Variants in LUZP2 observed in about 807,000 individuals in gnomAD.
The protein encoded by LUZP2 is leucine zipper protein 2.
Under a neutral mutation model 51.6 loss-of-function variants are expected in LUZP2, and 52 were observed. The ratio of observed to expected loss-of-function variants is 1.01; its 90% CI spans 0.81 to 1.27. The LOEUF (loss-of-function observed/expected upper bound fraction) is 1.27, where lower values mean the gene tolerates loss of function less well. LUZP2 is among the 50% of genes most tolerant of loss of function. The pLI is 0.00. For synonymous variants in LUZP2, 154 were observed against 137.3 expected (o/e 1.12, Z -0.85); for missense variants, 436 against 395.4 (o/e 1.10, Z -0.87).
At chr11:24,817,781 A>C (rs1850229030) in intron 5 of LUZP2, among the ~76,000 whole-genome samples, 1 of 151,980 alleles carries the variant, frequency 6.6e-6, no homozygotes, top group African/African-American at 2.4e-5. Context: ...AGTAAAAATA[A>C]TTGTTCAGGA....
At position 24,729,141 on chromosome 11, in the gene LUZP2, G is replaced by C. The variant is rs776144632; in HGVS notation, c.63-28G>C. 3.2e-6 allele frequency: 4 copies of C among 1,238,266 alleles called. No individual in the cohort carries two copies. In the Admixed American group the frequency reaches 9.5e-5, roughly 29 times the overall value. The allele number at this position is 1,238,266 out of a possible 1,614,324, so 76.7% of individuals were successfully genotyped here. On this transcript the variant is annotated intron_variant, in intron 1 of 11. Transcript: ENST00000336930. ...GATGCCAAGTGGAACCATTTGGGGG[G>C]CTCTCATGCCTGTTCTTTCTGTGTT...
At chr11:25,026,257 G>C (rs2896721) in intron 9 of LUZP2, among the ~76,000 whole-genome samples, 86,572 of 151,512 alleles carry the variant, frequency 0.57, 26,027 homozygotes, top group African/African-American at 0.75. Flanking sequence ...AAACCTGCAT[G>C]TTGTGCACAT....
chr11:24,894,028 C>A, intron 5 of LUZP2, among the ~76,000 whole-genome samples: 1 of 152,174 alleles, frequency 6.6e-6, no homozygotes, highest in South Asian at 2.1e-4. Flanking sequence ...AAGGTGAGTT[C>A]TTTGAAAGCA....
intron 7 of LUZP2, among the ~76,000 whole-genome samples, chr11:24,917,317 G>C (rs1853822694): frequency 1.3e-5 from 2 of 152,106 alleles, no homozygotes; most frequent in African/African-American, 4.8e-5. Context: ...TATTTTTGCT[G>C]TGCAGAAGCT....
At chr11:25,019,643 AATAGC>A (rs1170063756) in intron 9 of LUZP2, among the ~76,000 whole-genome samples, 1 of 152,120 alleles carries the variant, frequency 6.6e-6, no homozygotes, top group Non-Finnish European at 1.5e-5. Flanking sequence ...CGTTCAACTC[AATAGC>A]ATTTAATATA....
At chr11:24,528,322 T>C (rs954301759) in intron 1 of LUZP2, among the ~76,000 whole-genome samples, 3 of 151,288 alleles carry the variant, frequency 2.0e-5, no homozygotes, top group Middle Eastern at 3.4e-3. Context: ...ATCTTGGATA[T>C]ACTCATGTAC....
At chr11:25,035,096 G>T (rs1857810538) in intron 9 of LUZP2, among the ~76,000 whole-genome samples, 1 of 152,024 alleles carries the variant, frequency 6.6e-6, no homozygotes, top group South Asian at 2.1e-4. Context: ...AAATCAAAAA[G>T]CTTGAACCAT....
At chr11:24,715,463 G>T (rs191953731) in intron 1 of LUZP2, among the ~76,000 whole-genome samples, 4 of 152,202 alleles carry the variant, frequency 2.6e-5, no homozygotes, top group Admixed American at 2.6e-4. Context: ...ACTTAAATGA[G>T]CTCAGGGAGT....
At chr11:24,646,586 A>G in intron 1 of LUZP2, 1 of 985,080 alleles carries the variant, frequency 1.0e-6, no homozygotes, top group Non-Finnish European at 1.2e-6. Flanking sequence ...TCCATATTCA[A>G]GGAAGAAAGA....
At chr11:24,742,293 G>T (rs1265748398) in intron 4 of LUZP2, among the ~76,000 whole-genome samples, 1 of 151,558 alleles carries the variant, frequency 6.6e-6, no homozygotes, top group African/African-American at 2.4e-5. Context: ...TTCCACAGTG[G>T]CTGTACTAGC....
chr11:24,895,546 T>C (rs559224761), intron 5 of LUZP2, among the ~76,000 whole-genome samples: 43 of 152,272 alleles, frequency 2.8e-4, no homozygotes, highest in African/African-American at 9.9e-4. Flanking sequence ...TCATTTTCCA[T>C]TGTTGCCATC....
chr11:24,809,792 G>A (rs1849965010), intron 5 of LUZP2, among the ~76,000 whole-genome samples: 1 of 152,024 alleles, frequency 6.6e-6, no homozygotes, highest in African/African-American at 2.4e-5. Flanking sequence ...GTTACATTAT[G>A]AAGTGGTTAG....
chr11:24,708,105 G>A (rs114985339), intron 1 of LUZP2, among the ~76,000 whole-genome samples: 2,944 of 152,230 alleles, frequency 0.019, 106 homozygotes, highest in African/African-American at 0.067. Context: ...ATGTAGGGTG[G>A]AGCAGGTGAT....
chr11:24,681,704 T>G lies in LUZP2; in HGVS notation c.63-47465T>G, dbSNP rs74806399. Among the ~76,000 whole-genome samples, 100 of 152,322 alleles carry G rather than the reference T, an allele frequency of 6.6e-4. 2 individuals carry two copies. The South Asian group carries it at 0.013, about 21-fold the overall frequency. On this transcript the variant is annotated intron_variant, in intron 1 of 11. Coordinates refer to ENST00000336930, the MANE Select transcript of LUZP2 (RefSeq NM_001009909.4). ...AGCTTCATTTTTAACACATCTTGAA[T>G]TAATAGACTGGATATTTTCAATGCT...
chr11:24,893,337 C>A (rs1565066457), intron 5 of LUZP2: 2 of 150,014 alleles, frequency 1.3e-5, no homozygotes, highest in Admixed American at 1.3e-4. Flanking sequence ...ATATAAACAG[C>A]AAAAAAAAAA....
intron 1 of LUZP2, among the ~76,000 whole-genome samples, chr11:24,628,706 A>G (rs1384802459): frequency 4.6e-5 from 7 of 152,032 alleles, no homozygotes; most frequent in Admixed American, 4.6e-4. Context: ...TTAAAGCCAC[A>G]CAACACCATG....
At chr11:24,510,799 GT>G (rs754783748) in intron 1 of LUZP2, among the ~76,000 whole-genome samples, 3 of 151,998 alleles carry the variant, frequency 2.0e-5, no homozygotes, top group Non-Finnish European at 2.9e-5. Flanking sequence ...TAAAATATTT[GT>G]GGGCCAAGAA....
intron 7 of LUZP2, among the ~76,000 whole-genome samples, chr11:24,943,484 G>T (rs1854813907): frequency 6.6e-6 from 1 of 152,168 alleles, no homozygotes; most frequent in Non-Finnish European, 1.5e-5. Context: ...GGGATCTACT[G>T]CGGTTATTTG....
intron 1 of LUZP2, among the ~76,000 whole-genome samples, chr11:24,688,519 C>G (rs1277207039): frequency 1.3e-5 from 2 of 152,130 alleles, no homozygotes; most frequent in African/African-American, 4.8e-5. Flanking sequence ...TTGATTTTGA[C>G]AAGTAGATCT....
Sources: allele counts gnomAD v4.1 joint callset (sites outside exome capture counted in the v4.1 genomes callset), GRCh38; gene constraint gnomAD v4.1.1; transcripts MANE v1.5; gene names NCBI Gene and HGNC (gene_info 2026-07-23, HGNC 2026-07-21).